Variants in DNASE1 observed in about 807,000 individuals in gnomAD.
DNASE1 encodes the protein deoxyribonuclease-1.
DNASE1 carries 40 observed loss-of-function variants against 33.9 expected under a neutral mutation model. The ratio of observed to expected loss-of-function variants is 1.18; its 90% CI spans 0.92 to 1.54. The LOEUF is 1.54. Ranked by LOEUF, DNASE1 falls within the 40% of genes most tolerant of loss-of-function variation. DNASE1 has a pLI of 0.00. For missense variants in DNASE1, 518 were observed against 372.6 expected, an observed-to-expected ratio of 1.39 and a Z score of -3.21; for synonymous variants, 216 against 160.0, an observed-to-expected ratio of 1.35 and a Z score of -2.64.
At position 3,657,032 on chromosome 16, in the gene DNASE1, CG is replaced by C; in HGVS notation, c.472del (p.Ala158ProfsTer6). 6.2e-7 allele frequency: 1 copy of C among 1,613,642 alleles called. No homozygotes were observed. Among genetic ancestry groups the C allele is most frequent in the Middle Eastern group, 1.6e-4 (1 of 6,062 alleles). On this transcript the variant is annotated frameshift_variant, in exon 6 of 9. Coordinates refer to ENST00000246949, the MANE Select transcript of DNASE1 (RefSeq NM_005223.4). LOFTEE classifies it high-confidence loss of function. Reference protein sequence around the residue: ...VREFAIVPLHAAPGDAVAEID... With the variant: ...VREFAIVPLHXAPGDAVAEID... ...GAGTTTGCCATTGTTCCCCTGCATGCGGCCCCGGGGGACGCAGTAGCCGAGA... is the reference window on the plus strand; with the variant it reads ...GAGTTTGCCATTGTTCCCCTGCATGCGCCCCGGGGGACGCAGTAGCCGAGA...
At chr16:3,639,032 T>A (rs146930123), upstream of DNASE1, among the ~76,000 whole-genome samples, 220 of 152,342 alleles carry the variant, frequency 1.4e-3, no homozygotes, top group Middle Eastern at 3.4e-3. Context: ...TGTCCTTGTC[T>A]GCTAGTTCCT....
intron 1 of DNASE1, among the ~76,000 whole-genome samples, chr16:3,623,420 G>A (rs1325531681): frequency 6.6e-6 from 1 of 152,080 alleles, no homozygotes; most frequent in East Asian, 1.9e-4. Context: ...TATTAGCCTA[G>A]GCAAAGAATA....
At chr16:3,633,067 A>G (rs1413135808) in intron 1 of DNASE1, among the ~76,000 whole-genome samples, 17 of 152,136 alleles carry the variant, frequency 1.1e-4, no homozygotes, top group Non-Finnish European at 2.5e-4. Flanking sequence ...TTATTTTTGA[A>G]TATATTCTGA....
intron 1 of DNASE1, among the ~76,000 whole-genome samples, chr16:3,633,507 C>T (rs556049266): frequency 6.6e-6 from 1 of 151,634 alleles, no homozygotes; most frequent in Non-Finnish European, 1.5e-5. Flanking sequence ...ACTCGGGAGG[C>T]TGAGGCAGGA....
At position 3,654,799 on chromosome 16, in the gene DNASE1, A is replaced by G. The variant is rs1173623897; in HGVS notation, c.-247A>G. On this transcript the variant is annotated 5_prime_UTR_variant, in exon 1 of 9. Coordinates refer to ENST00000246949, the MANE Select transcript of DNASE1 (RefSeq NM_005223.4). ...CCATTGTTTTCTGCACTCTCAGGTG[A>G]CGGCTCACATTTGCCCCAGGGAAGG... is the stretch of plus-strand genomic sequence containing the variant. 2.5e-5 allele frequency: 10 copies of G among 401,690 alleles called. No individual in the cohort carries two copies. The highest frequency in any genetic ancestry group is 6.2e-5 in the African/African-American group (3 of 48,630). The allele number at this position is 401,690 out of a possible 1,614,324, so 24.9% of individuals were successfully genotyped here.
intron 1 of DNASE1, among the ~76,000 whole-genome samples, chr16:3,632,449 T>C (rs1279091898): frequency 2.0e-5 from 3 of 152,240 alleles, no homozygotes; most frequent in Admixed American, 1.3e-4. Flanking sequence ...TACTCCTTTA[T>C]AATTTTGTAA....
chr16:3,651,823 T>C (rs9928274), upstream of DNASE1: 3,885 of 152,402 alleles, frequency 0.025, 139 homozygotes, highest in African/African-American at 0.08. Flanking sequence ...CATGGCAGCA[T>C]TGACTGACAC....
intron 1 of DNASE1, among the ~76,000 whole-genome samples, chr16:3,646,639 G>A (rs761250434): frequency 6.6e-6 from 1 of 152,184 alleles, no homozygotes; most frequent in Non-Finnish European, 1.5e-5. Context: ...ATTGGATTTC[G>A]TGTTAGGGAC....
chr16:3,630,239 T>C (rs2041655360), intron 1 of DNASE1, among the ~76,000 whole-genome samples: 2 of 151,972 alleles, frequency 1.3e-5, no homozygotes, highest in South Asian at 2.1e-4. Flanking sequence ...GGAGTGCAGT[T>C]GCGTGATCAC....
chr16:3,642,591 C>T (rs1453267481), upstream of DNASE1, among the ~76,000 whole-genome samples: 1 of 152,142 alleles, frequency 6.6e-6, no homozygotes, highest in Non-Finnish European at 1.5e-5. Flanking sequence ...GCCGGCTGAG[C>T]CCAGCTCTCG....
At chr16:3,662,565 G>C (rs1052031521), downstream of DNASE1, 2 of 584,930 alleles carry the variant, frequency 3.4e-6, no homozygotes, top group Non-Finnish European at 6.4e-6. Flanking sequence ...GAGCTCCTGA[G>C]GGCTGGGGTA....
chr16:3,651,104 C>G (rs980745693), upstream of DNASE1: 1 of 152,200 alleles, frequency 6.6e-6, no homozygotes, highest in African/African-American at 2.4e-5. Flanking sequence ...GGTACCCTCC[C>G]TGGCCTGCAC....
In DNASE1 at chr16:3,612,715, T is replaced by A. The variant is rs151242301; in HGVS notation, c.-1359+709T>A. Among the ~76,000 whole-genome samples, 383 of 152,112 alleles carry A rather than the reference T, an allele frequency of 2.5e-3. 3 individuals are homozygous for A. The highest frequency in any genetic ancestry group is 8.8e-3 in the African/African-American group (367 of 41,472). On this transcript the variant is annotated intron_variant and NMD_transcript_variant, in intron 1 of 11. Coordinates refer to the DNASE1 transcript ENST00000570769. Reference sequence around the variant, plus strand: ...TGAGCCACCACGCCCGGCGTAAGATTTTGTTTTTAAAGGCCTAATTACAGT... The same window carrying A: ...TGAGCCACCACGCCCGGCGTAAGATATTGTTTTTAAAGGCCTAATTACAGT...
At chr16:3,639,887 C>A (rs576177480), upstream of DNASE1, among the ~76,000 whole-genome samples, 5 of 152,230 alleles carry the variant, frequency 3.3e-5, no homozygotes, top group East Asian at 7.7e-4. Flanking sequence ...CATAGTGAGA[C>A]CCTGTCTCTG....
At chr16:3,620,656 CATT>C (rs1437460772) in intron 1 of DNASE1, among the ~76,000 whole-genome samples, 1 of 151,894 alleles carries the variant, frequency 6.6e-6, no homozygotes, top group African/African-American at 2.4e-5. Context: ...TAGTTTTTAT[CATT>C]ATAGATTATG....
intron 1 of DNASE1, among the ~76,000 whole-genome samples, chr16:3,629,534 C>T (rs138121636): frequency 6.6e-6 from 1 of 152,054 alleles, no homozygotes; most frequent in South Asian, 2.1e-4. Flanking sequence ...GGATATTAGT[C>T]TGTGGTTTTA....
chr16:3,624,850 G>A (rs985175644), intron 1 of DNASE1, among the ~76,000 whole-genome samples: 3 of 152,048 alleles, frequency 2.0e-5, no homozygotes, highest in African/African-American at 7.2e-5. Context: ...CAGCACACCT[G>A]GCTAATTTTT....
Position 3,657,755 on chromosome 16 carries a change from T to C in DNASE1, c.740T>C (p.Val247Ala), listed in dbSNP as rs748791483. 59 of 1,613,802 alleles carry C rather than the reference T, an allele frequency of 3.7e-5. No homozygotes were observed. The highest frequency in any genetic ancestry group is 5.0e-5 in the Non-Finnish European group (59 of 1,179,938). ...GCAGGGATGCTGCTCCGAGGCGCCG[T>C]TGTTCCCGACTCGGCTCTTCCCTTT... ...VVAGMLLRGA[V>A]VPDSALPFNF... Residue 247 changes from valine (V) to alanine (A), a missense_variant, in exon 8 of 9, where the codon GTT becomes GCT. Physicochemically the swap from Val to Ala is moderately conservative, Grantham distance 64. Coordinates refer to ENST00000246949, the MANE Select transcript of DNASE1 (RefSeq NM_005223.4).
At position 3,657,710 on chromosome 16, in the gene DNASE1, C is replaced by T. The variant is rs1283304044; in HGVS notation, c.705-10C>T. ...AGGGGAACCTACTTTCTCTTCCCAA[C>T]ACCCATCAGGATCGTGGTTGCAGGG... On this transcript the variant is annotated splice_polypyrimidine_tract_variant and intron_variant, in intron 7 of 8. Coordinates refer to ENST00000246949, the MANE Select transcript of DNASE1 (RefSeq NM_005223.4). The T allele has an allele frequency of 6.2e-6, 10 of 1,613,950 alleles. No homozygotes were observed. The highest frequency in any genetic ancestry group is 8.5e-6 in the Non-Finnish European group (10 of 1,180,002).
Sources: gnomAD v4.1 joint callset for allele counts (sites outside exome capture counted in the v4.1 genomes callset) on GRCh38, gnomAD v4.1.1 for gene constraint, MANE v1.5 for transcripts, NCBI Gene and HGNC (gene_info 2026-07-23, HGNC 2026-07-21) for gene names.